Variants in VPS13B observed in about 807,000 individuals in gnomAD.
The protein encoded by VPS13B is vacuolar protein sorting 13 homolog B, also known as intermembrane lipid transfer protein VPS13B.
Under a neutral mutation model 426.4 loss-of-function variants are expected in VPS13B, and 285 were observed. That is an observed-to-expected ratio of 0.67 (90% CI 0.61 to 0.74). The LOEUF is 0.74. VPS13B is among the 30% of genes least tolerant of loss of function. The pLI is 0.00. For missense variants in VPS13B, 4,537 were observed against 4,782.6 expected (o/e 0.95, Z 1.51); for synonymous variants, 1,676 against 1,676.4 (o/e 1.00, Z 0.01).
chr8:99,636,203 T>G (rs919591368), intron 33 of VPS13B, among the ~76,000 whole-genome samples: 1 of 152,024 alleles, frequency 6.6e-6, no homozygotes, highest in African/African-American at 2.4e-5. Context: ...AGCTGTTATC[T>G]CTGCATAAAA....
chr8:99,479,941 C>T (rs781092482), intron 24 of VPS13B, among the ~76,000 whole-genome samples: 12 of 152,164 alleles, frequency 7.9e-5, no homozygotes, highest in East Asian at 3.8e-4. Flanking sequence ...GGATCATATA[C>T]GGTAGGTATA....
intron 33 of VPS13B, among the ~76,000 whole-genome samples, chr8:99,591,728 G>T (rs188990351): frequency 1.2e-4 from 18 of 152,222 alleles, no homozygotes; most frequent in African/African-American, 3.9e-4. Context: ...TCAGCTGTTA[G>T]TCTGATGGGC....
chr8:99,160,574 C>T (rs1284256473), intron 15 of VPS13B, among the ~76,000 whole-genome samples: 1 of 150,462 alleles, frequency 6.6e-6, no homozygotes, highest in African/African-American at 2.5e-5. Context: ...TTGCTTGAGC[C>T]CAGGAGGTCA....
intron 33 of VPS13B, among the ~76,000 whole-genome samples, chr8:99,600,095 T>C (rs1031968181): frequency 6.6e-6 from 1 of 152,166 alleles, no homozygotes; most frequent in African/African-American, 2.4e-5. Context: ...TGTCAGAATG[T>C]GTATTACTTA....
chr8:99,554,859 T>C (rs1824471262), intron 30 of VPS13B, among the ~76,000 whole-genome samples: 1 of 152,058 alleles, frequency 6.6e-6, no homozygotes, highest in Non-Finnish European at 1.5e-5. Flanking sequence ...TTAAGGCAAA[T>C]TGAAAGGATT....
intron 36 of VPS13B, among the ~76,000 whole-genome samples, chr8:99,702,367 C>G (rs73703003): frequency 6.6e-6 from 1 of 152,266 alleles, no homozygotes; most frequent in African/African-American, 2.4e-5. Flanking sequence ...TCTGCAGCAG[C>G]TGCACTTTTC....
intron 22 of VPS13B, among the ~76,000 whole-genome samples, chr8:99,432,990 A>G (rs1817192120): frequency 6.6e-6 from 1 of 152,220 alleles, no homozygotes; most frequent in African/African-American, 2.4e-5. Flanking sequence ...TATTCATTAA[A>G]TGATTGTACT....
rs758171422 is a variant in VPS13B, at chr8:99,192,107, C to T, written c.2334-769C>T. Reference sequence around the variant, plus strand: ...CATGTTTATTAACCTTCAGTATAAACTTGTTGCTCACAGACATATTGAAAT... The same window carrying T: ...CATGTTTATTAACCTTCAGTATAAATTTGTTGCTCACAGACATATTGAAAT... On this transcript the variant is annotated intron_variant, in intron 16 of 61. Transcript: ENST00000357162. 5.3e-5 allele frequency among the ~76,000 whole-genome samples: 8 copies of T among 152,222 alleles called. No homozygotes were observed. The East Asian group carries it at 1.4e-3, about 26-fold the overall frequency.
chr8:99,481,113 T>A (rs1450572098), intron 24 of VPS13B, among the ~76,000 whole-genome samples: 6 of 152,242 alleles, frequency 3.9e-5, no homozygotes, highest in Non-Finnish European at 7.3e-5. Context: ...TATGTAACAT[T>A]TGCCTTTTAC....
intron 33 of VPS13B, among the ~76,000 whole-genome samples, chr8:99,637,028 G>A (rs1563837103): frequency 6.6e-6 from 1 of 151,998 alleles, no homozygotes; most frequent in Non-Finnish European, 1.5e-5. Flanking sequence ...ACTGCCCAGA[G>A]ATACATGTTT....
intron 2 of VPS13B, among the ~76,000 whole-genome samples, chr8:99,024,308 G>A (rs1842037962): frequency 6.6e-6 from 1 of 152,204 alleles, no homozygotes; most frequent in African/African-American, 2.4e-5. Context: ...GTGTGCTATT[G>A]AGTTGTTTGA....
At chr8:99,415,279 T>A (rs1815933539) in intron 21 of VPS13B, among the ~76,000 whole-genome samples, 1 of 151,982 alleles carries the variant, frequency 6.6e-6, no homozygotes, top group Non-Finnish European at 1.5e-5. Context: ...ATTTATGTTC[T>A]TCTCTAAACT....
chr8:99,634,812 T>C lies in VPS13B; in HGVS notation c.5221-6999T>C, dbSNP rs188917055. Among the ~76,000 whole-genome samples the C allele has an allele frequency of 1.2e-4, 18 of 152,124 alleles. No homozygotes were observed. The East Asian group carries it at 3.5e-3, about 29-fold the overall frequency. On this transcript the variant is annotated intron_variant, in intron 33 of 61. Transcript: ENST00000357162. Reference sequence around the variant, plus strand: ...TTCTTTTTGATGTGTTTTTGTTTAATGTGCTTGCTAAGATAAATTTCATCT... The same window carrying C: ...TTCTTTTTGATGTGTTTTTGTTTAACGTGCTTGCTAAGATAAATTTCATCT...
chr8:99,507,666 AT>A lies in VPS13B; in HGVS notation c.4224+464del. On this transcript the variant is annotated intron_variant, in intron 28 of 61. Coordinates refer to ENST00000357162, the MANE Select transcript of VPS13B (RefSeq NM_152564.5). ...CTAGCGGTTGCTCAAACCTAAATTT[AT>A]ACAAACTTGAGGAGAATTTAAAACT... The A allele has an allele frequency of 1.2e-5, 19 of 1,552,580 alleles. No homozygotes were observed. In the South Asian group the frequency reaches 2.2e-4, roughly 18 times the overall value.
chr8:99,758,272 A>G (rs1213545678), intron 39 of VPS13B, among the ~76,000 whole-genome samples: 1 of 152,236 alleles, frequency 6.6e-6, no homozygotes. Context: ...TTATGTCACC[A>G]CCAACTAGAG....
intron 35 of VPS13B, among the ~76,000 whole-genome samples, chr8:99,678,149 CCTTT>C (rs1203595587): frequency 6.6e-6 from 1 of 152,134 alleles, no homozygotes; most frequent in Non-Finnish European, 1.5e-5. Context: ...CTCACTTCTT[CCTTT>C]ATCATAGTCT....
chr8:99,815,732 A>G (rs1305770904), intron 44 of VPS13B, among the ~76,000 whole-genome samples: 2 of 152,312 alleles, frequency 1.3e-5, no homozygotes, highest in East Asian at 3.9e-4. Flanking sequence ...TTCTCCAATC[A>G]TGGTGAATAT....
intron 23 of VPS13B, among the ~76,000 whole-genome samples, chr8:99,455,216 A>G (rs1818392284): frequency 6.6e-6 from 1 of 152,198 alleles, no homozygotes; most frequent in South Asian, 2.1e-4. Context: ...GTTATCTTTT[A>G]GGAGTTTTAT....
At chr8:99,121,064 T>TGA in intron 7 of VPS13B, 113 bp from the exon 8 acceptor site, 1 of 899,678 alleles carries the variant, frequency 1.1e-6, no homozygotes, top group Non-Finnish European at 1.7e-6. Context: ...GTATCATTTG[T>TGA]TTATACCTTA....
Sources: allele counts gnomAD v4.1 joint callset (sites outside exome capture counted in the v4.1 genomes callset), GRCh38; gene constraint gnomAD v4.1.1; transcripts MANE v1.5; gene names NCBI Gene and HGNC (gene_info 2026-07-23, HGNC 2026-07-21).